TXLNB: variants seen among roughly 807,000 people sequenced by gnomAD.
TXLNB encodes the protein beta-taxilin.
TXLNB carries 37 observed loss-of-function variants against 57.4 expected under a neutral mutation model. That is an observed-to-expected ratio of 0.64 (90% CI 0.50 to 0.85). The LOEUF is 0.85. Ranked by LOEUF, TXLNB falls within the 40% of genes least tolerant of loss-of-function variation. The pLI is 0.00. For synonymous variants in TXLNB, 302 were observed against 309.6 expected, an observed-to-expected ratio of 0.98 and a Z score of 0.26; for missense variants, 848 against 825.6, an observed-to-expected ratio of 1.03 and a Z score of -0.33.
chr6:139,239,372 C>T (rs1562267349), downstream of TXLNB: 1 of 152,272 alleles, frequency 6.6e-6, no homozygotes, highest in South Asian at 2.1e-4. This position sits in a 1 kb window ranked among gnomAD's most constrained non-coding sequence, Gnocchi z 4.7. Context: ...TACTGAGAAA[C>T]ATATCAGCTG....
the TXLNB span, among the ~76,000 whole-genome samples, chr6:139,213,453 A>G: frequency 1.8e-3 from 273 of 152,258 alleles, no homozygotes; most frequent in African/African-American, 6.4e-3. Context: ...CAACATATCA[A>G]AATCTCTGGG....
Position 139,242,554 on chromosome 6 carries a change from G to A in TXLNB, c.2027C>T (p.Ala676Val). The A allele has an allele frequency of 6.6e-7, 1 of 1,511,356 alleles. No homozygotes were observed. Among genetic ancestry groups the A allele is most frequent in the South Asian group, 1.3e-5 (1 of 74,514 alleles). 93.6% of individuals were successfully genotyped at this position (1,511,356 alleles called of 1,614,324 possible). A position where few individuals can be genotyped will look rare whatever the true frequency, so the allele number is the denominator to read the frequency against. The stretch of plus-strand genomic sequence containing the variant: ...GTCGACGCCTTCCAGATTGGTGTCA[G>A]CCACGTTGCGCGGCTGGGGCCCAGC... The part of the protein sequence containing the change: ...ASAGPQPRNV[A>V]DTNLEGVD Residue 676 changes from alanine to valine, a missense_variant, in exon 10 of 10, where the codon GCT becomes GTT. By Grantham distance (64) the Ala-to-Val change is moderately conservative (BLOSUM62 0). Coordinates refer to ENST00000358430, the MANE Select transcript of TXLNB (RefSeq NM_153235.4).
the TXLNB span, among the ~76,000 whole-genome samples, chr6:139,227,338 A>AAAAAC: frequency 1.6e-3 from 248 of 152,084 alleles, 7 homozygotes; most frequent in South Asian, 0.041. Flanking sequence ...ACTCTGTCTC[A>AAAAAC]AAAACAAAAC....
upstream of TXLNB, among the ~76,000 whole-genome samples, chr6:139,295,697 T>C (rs899623982): frequency 6.6e-6 from 1 of 152,226 alleles, no homozygotes; most frequent in African/African-American, 2.4e-5. Flanking sequence ...TTTCATTGTT[T>C]ACACTCCCCT....
chr6:139,210,448 A>G, the TXLNB span, among the ~76,000 whole-genome samples: 4 of 152,362 alleles, frequency 2.6e-5, no homozygotes, highest in Non-Finnish European at 5.9e-5. Context: ...TTGCAAAAAT[A>G]TGGAACCAAC....
chr6:139,170,039 A>C, the TXLNB span: 3 of 152,322 alleles, frequency 2.0e-5, no homozygotes, highest in African/African-American at 7.2e-5. Context: ...AGTTTAATTC[A>C]GGGTTGAAAT....
the TXLNB span, among the ~76,000 whole-genome samples, chr6:139,310,071 A>G: frequency 5.9e-5 from 9 of 152,198 alleles, no homozygotes; most frequent in African/African-American, 2.2e-4. Context: ...GGCCTTGGCA[A>G]TGATATTTTG....
chr6:139,217,688 G>A, the TXLNB span, among the ~76,000 whole-genome samples: 1 of 151,808 alleles, frequency 6.6e-6, no homozygotes, highest in Non-Finnish European at 1.5e-5. Context: ...CTAACGCGGT[G>A]AAACCCTGTT....
intron 1 of TXLNB, among the ~76,000 whole-genome samples, chr6:139,291,685 A>G (rs776478078): frequency 3.9e-5 from 6 of 152,238 alleles, no homozygotes; most frequent in Non-Finnish European, 7.3e-5. Context: ...TTTATCTTAT[A>G]TAAACTTTAT....
intron 4 of TXLNB, among the ~76,000 whole-genome samples, chr6:139,264,500 G>A (rs916120409): frequency 6.6e-6 from 1 of 151,838 alleles, no homozygotes; most frequent in Non-Finnish European, 1.5e-5. Context: ...AATCATAACC[G>A]CCAATCCTGG....
the TXLNB span, among the ~76,000 whole-genome samples, chr6:139,220,888 C>T: frequency 1.3e-4 from 20 of 152,238 alleles, no homozygotes; most frequent in South Asian, 6.2e-4. Context: ...AAAGGAAATA[C>T]GATGCATCTT....
At chr6:139,289,471 T>C (rs543528226) in intron 1 of TXLNB, among the ~76,000 whole-genome samples, 42 of 152,326 alleles carry the variant, frequency 2.8e-4, no homozygotes, top group Admixed American at 2.6e-3. Flanking sequence ...CCGATTAAAC[T>C]GCTTCCTTCT....
At chr6:139,232,421 T>C in the TXLNB span, among the ~76,000 whole-genome samples, 14 of 152,208 alleles carry the variant, frequency 9.2e-5, no homozygotes, top group Non-Finnish European at 1.6e-4. Context: ...CAAACCATAT[T>C]ATACTTGTAG....
chr6:139,308,479 A>G, the TXLNB span, among the ~76,000 whole-genome samples: 1 of 152,252 alleles, frequency 6.6e-6, no homozygotes, highest in Non-Finnish European at 1.5e-5. Context: ...AGAGTTACAG[A>G]TATGACTACT....
rs41289821 is a variant in TXLNB at position 139,262,777 on chromosome 6, C to T, written c.688-4G>A. On this transcript the variant is annotated splice_region_variant and splice_polypyrimidine_tract_variant and intron_variant, in intron 4 of 9. Coordinates refer to ENST00000358430, the MANE Select transcript of TXLNB (RefSeq NM_153235.4). Reference sequence around the variant, plus strand: ...GTGCCCGCTGAAGCGCCTCTTCCTGCGGATAAAAAGCAAAACATTTTGTTT... The same window carrying T: ...GTGCCCGCTGAAGCGCCTCTTCCTGTGGATAAAAAGCAAAACATTTTGTTT... 8.1e-6 allele frequency: 13 copies of T among 1,611,428 alleles called. No homozygotes were observed. The highest frequency in any genetic ancestry group is 1.7e-4 in the Middle Eastern group (1 of 6,028).
the TXLNB span, among the ~76,000 whole-genome samples, chr6:139,217,412 T>C: frequency 2.0e-5 from 3 of 152,194 alleles, no homozygotes; most frequent in African/African-American, 7.2e-5. Flanking sequence ...GACAACTGAA[T>C]ATTTATGAGT....
chr6:139,166,309 C>G, the TXLNB span: 107 of 1,610,272 alleles, frequency 6.6e-5, no homozygotes, highest in Non-Finnish European at 8.8e-5. Context: ...CTCCCCTGAT[C>G]TGCAGCTTCG....
chr6:139,242,636 C>T lies in TXLNB; in HGVS notation c.1945G>A (p.Glu649Lys), dbSNP rs775638611. ...EHVAAMVPAC[E>K]PSRQPPRAAA... The stretch of plus-strand genomic sequence containing the variant: ...GCTCGTGGGGGCTGCCTACTGGGCT[C>T]GCATGCAGGCACCATGGCTGCAACG... The change falls in exon 10 of 10, where the codon GAG (glutamate) becomes AAG (lysine). Residue 649 changes from glutamate to lysine, a missense_variant. By Grantham distance (56) the Glu-to-Lys change is moderately conservative (BLOSUM62 1). Coordinates refer to ENST00000358430, the MANE Select transcript of TXLNB (RefSeq NM_153235.4). 1.6e-5 allele frequency: 26 copies of T among 1,605,818 alleles called. No individual in the cohort carries two copies. Among genetic ancestry groups the T allele is most frequent in the Middle Eastern group, 1.8e-4 (1 of 5,528 alleles).
rs755605911 is a variant in TXLNB at position 139,242,953 on chromosome 6, TG to T, written c.1627del (p.Gln543AsnfsTer4). On this transcript the variant is annotated frameshift_variant, in exon 10 of 10. Transcript: ENST00000358430. LOFTEE classifies it low-confidence loss of function (END_TRUNC). ...ATCCCGTGAAGGGATCAGAGGGGGT[TG>T]CTCTGGCTCCTTGAGAGCGGCGTCA... ...SADAALKEPE[Q>X]PPLIPSRDSE... The T allele has an allele frequency of 6.9e-5, 111 of 1,614,044 alleles. No individual in the cohort carries two copies. Among genetic ancestry groups the T allele is most frequent in the Non-Finnish European group, 9.1e-5 (107 of 1,180,050 alleles).
Sources: gnomAD v4.1 joint callset for allele counts (sites outside exome capture counted in the v4.1 genomes callset) on GRCh38, gnomAD v4.1.1 for gene constraint, Gnocchi (gnomAD v3.1) non-coding constraint, MANE v1.5 for transcripts, NCBI Gene and HGNC (gene_info 2026-07-23, HGNC 2026-07-21) for gene names.